ZBBX: variants seen among roughly 807,000 people sequenced by gnomAD.
ZBBX encodes zinc finger B-box domain containing.
A neutral mutation model predicts 108.5 loss-of-function variants in ZBBX; 101 were observed. The observed-to-expected ratio is 0.93, with a 90% CI of 0.79 to 1.10. The LOEUF (loss-of-function observed/expected upper bound fraction) is 1.10, where lower values mean the gene tolerates loss of function less well. Ranked by LOEUF, ZBBX falls within the 50% of genes least tolerant of loss-of-function variation. The probability of loss-of-function intolerance (pLI) is 0.00; values close to 1 mark genes in which losing one functional copy is unlikely to be tolerated. For synonymous variants in ZBBX, 356 were observed against 323.4 expected, an observed-to-expected ratio of 1.10 and a Z score of -1.08; for missense variants, 1,009 against 941.4, an observed-to-expected ratio of 1.07 and a Z score of -0.94.
intron 19 of ZBBX, 91 bp downstream of exon 19, chr3:167,288,776 A>T (rs1730158688): frequency 1.6e-6 from 1 of 619,442 alleles, no homozygotes; most frequent in African/African-American, 1.9e-5. Flanking sequence ...TCAAAAACTA[A>T]ATTGCAGGTG....
At chr3:167,292,412 C>A (rs138715917) in intron 18 of ZBBX, among the ~76,000 whole-genome samples, 1 of 152,024 alleles carries the variant, frequency 6.6e-6, no homozygotes, top group East Asian at 1.9e-4. Context: ...CAAAACTGCA[C>A]GACTACATGA....
At chr3:167,240,968 A>C (rs1451746440) in intron 21 of ZBBX, 49 bp from the exon 22 acceptor site, 23 of 1,595,198 alleles carry the variant, frequency 1.4e-5, no homozygotes, top group Non-Finnish European at 1.7e-5. Flanking sequence ...ACCGGGTTTC[A>C]ACTCTTCATT....
At chr3:167,359,274 G>A (rs1744125876) in intron 8 of ZBBX, among the ~76,000 whole-genome samples, 1 of 152,104 alleles carries the variant, frequency 6.6e-6, no homozygotes, top group African/African-American at 2.4e-5. Context: ...CAGGACAGTA[G>A]TTGCCTTGGT....
chr3:167,230,941 A>C, the ZBBX span, among the ~76,000 whole-genome samples: 1,360 of 151,896 alleles, frequency 9.0e-3, 28 homozygotes, highest in African/African-American at 0.031. Flanking sequence ...TAGAAGAGTC[A>C]ATATTTCGCA....
At chr3:167,355,926 C>T (rs1486045404) in intron 8 of ZBBX, among the ~76,000 whole-genome samples, 1 of 152,028 alleles carries the variant, frequency 6.6e-6, no homozygotes, top group East Asian at 1.9e-4. Context: ...CTCTCCTGTG[C>T]TTTCCAGCCA....
intron 20 of ZBBX, among the ~76,000 whole-genome samples, chr3:167,281,758 A>T (rs1455641020): frequency 6.6e-6 from 1 of 152,200 alleles, no homozygotes; most frequent in Non-Finnish European, 1.5e-5. Context: ...AGATATGCAG[A>T]ATCTTACCTT....
At chr3:167,215,953 T>A in the ZBBX span, among the ~76,000 whole-genome samples, 1 of 152,136 alleles carries the variant, frequency 6.6e-6, no homozygotes, top group Non-Finnish European at 1.5e-5. Context: ...AAACTCTCAA[T>A]AAACTAGGTA....
intron 20 of ZBBX, among the ~76,000 whole-genome samples, chr3:167,274,984 T>C (rs1727248313): frequency 6.6e-6 from 1 of 152,202 alleles, no homozygotes; most frequent in Non-Finnish European, 1.5e-5. Context: ...TATATTCGAG[T>C]GCTGTTTCTT....
At chr3:167,382,639 C>A (rs999787790), upstream of ZBBX, among the ~76,000 whole-genome samples, 7 of 152,070 alleles carry the variant, frequency 4.6e-5, no homozygotes, top group African/African-American at 1.7e-4. Flanking sequence ...CAAGCATTAT[C>A]CAAAACTTAG....
chr3:167,367,675 T>C (rs1291581233), intron 5 of ZBBX, among the ~76,000 whole-genome samples: 3 of 151,306 alleles, frequency 2.0e-5, no homozygotes, highest in African/African-American at 7.3e-5. Context: ...ATACGTATAC[T>C]TACACAAAGA....
intron 9 of ZBBX, among the ~76,000 whole-genome samples, chr3:167,337,499 A>G (rs1560147166): frequency 6.6e-6 from 1 of 152,100 alleles, no homozygotes; most frequent in African/African-American, 2.4e-5. Context: ...ATCCTGGGTG[A>G]CAGAGTGAGA....
intron 20 of ZBBX, among the ~76,000 whole-genome samples, chr3:167,249,037 A>T (rs1401850996): frequency 6.6e-6 from 1 of 152,246 alleles, no homozygotes; most frequent in Non-Finnish European, 1.5e-5. Context: ...ATGGGCAACC[A>T]GTTATTTTCA....
At chr3:167,361,539 A>G (rs945749373) in intron 6 of ZBBX, among the ~76,000 whole-genome samples, 2 of 152,112 alleles carry the variant, frequency 1.3e-5, no homozygotes, top group Admixed American at 1.3e-4. Context: ...CTGCCTCTAT[A>G]TCTATGGCTG....
intron 18 of ZBBX, among the ~76,000 whole-genome samples, chr3:167,295,708 G>T (rs1731524639): frequency 1.5e-5 from 1 of 64,872 alleles, no homozygotes; most frequent in African/African-American, 5.9e-5. Context: ...ACAAAAAATT[G>T]GAATATATAT....
intron 19 of ZBBX, among the ~76,000 whole-genome samples, chr3:167,283,648 T>G (rs1330323040): frequency 3.9e-5 from 6 of 152,090 alleles, no homozygotes; most frequent in South Asian, 2.1e-4. Context: ...TTTTGGGGGG[T>G]TTTGGGAGTT....
At chr3:167,335,186 A>G (rs1341241132) in intron 9 of ZBBX, among the ~76,000 whole-genome samples, 1 of 152,182 alleles carries the variant, frequency 6.6e-6, no homozygotes. Context: ...AGGAAAAAAC[A>G]TATATATTTT....
At chr3:167,329,248 C>T (rs888302489) in intron 10 of ZBBX, among the ~76,000 whole-genome samples, 2 of 152,154 alleles carry the variant, frequency 1.3e-5, no homozygotes, top group African/African-American at 4.8e-5. Flanking sequence ...GTAAAACCCA[C>T]ACCAATGGCT....
At chr3:167,178,503 C>A in the ZBBX span, among the ~76,000 whole-genome samples, 2 of 152,104 alleles carry the variant, frequency 1.3e-5, no homozygotes, top group Non-Finnish European at 2.9e-5. Context: ...GGGTGTTGCT[C>A]GTGACAGTTG....
At chr3:167,236,887 G>GA (rs750119154), downstream of ZBBX, among the ~76,000 whole-genome samples, 5 of 151,628 alleles carry the variant, frequency 3.3e-5, no homozygotes, top group Non-Finnish European at 7.4e-5. Context: ...GATGCAACGA[G>GA]AAACAATGAA....
Sources: allele counts gnomAD v4.1 joint callset (sites outside exome capture counted in the v4.1 genomes callset), GRCh38; gene constraint gnomAD v4.1.1; transcripts MANE v1.5; gene names NCBI Gene and HGNC (gene_info 2026-07-23, HGNC 2026-07-21).